The following MAGI2 variants were observed in gnomAD, a reference collection of about 807,000 sequenced individuals.
MAGI2 encodes the protein membrane-associated guanylate kinase, WW and PDZ domain-containing protein 2.
Under a neutral mutation model 133.3 loss-of-function variants are expected in MAGI2, and 35 were observed. The ratio of observed to expected loss-of-function variants is 0.26; its 90% CI spans 0.20 to 0.35. MAGI2 has a LOEUF of 0.35. Ranked by LOEUF, MAGI2 falls within the 10% of genes least tolerant of loss-of-function variation. The probability of loss-of-function intolerance (pLI) is 1.00; values close to 1 mark genes in which losing one functional copy is unlikely to be tolerated. For synonymous variants in MAGI2, 729 were observed against 710.6 expected (o/e 1.03, Z -0.41); for missense variants, 1,636 against 1,863.4 (o/e 0.88, Z 2.25).
chr7:79,301,462 C>T (rs2129559722), intron 1 of MAGI2, among the ~76,000 whole-genome samples: 1 of 152,322 alleles, frequency 6.6e-6, no homozygotes, highest in Middle Eastern at 3.4e-3. Context: ...TGTGTGAGGC[C>T]TGCAGCCCTT....
chr7:78,401,152 C>A (rs1169285552), intron 6 of MAGI2, among the ~76,000 whole-genome samples: 2 of 150,426 alleles, frequency 1.3e-5, no homozygotes, highest in East Asian at 4.0e-4. Context: ...GCAAAAGAAA[C>A]AAAATTCCTG....
intron 2 of MAGI2, among the ~76,000 whole-genome samples, chr7:78,753,342 C>T (rs1010874171): frequency 1.3e-5 from 2 of 151,806 alleles, no homozygotes; most frequent in Non-Finnish European, 2.9e-5. Flanking sequence ...AATTTGCTAG[C>T]TGGGCTTTGT....
intron 1 of MAGI2, among the ~76,000 whole-genome samples, chr7:79,206,261 G>T (rs542007414): frequency 6.7e-6 from 1 of 149,204 alleles, no homozygotes; most frequent in Admixed American, 6.6e-5. Flanking sequence ...TAGAGACTAC[G>T]AATACAATAG....
intron 1 of MAGI2, among the ~76,000 whole-genome samples, chr7:79,246,481 A>C (rs988910587): frequency 6.6e-6 from 1 of 152,248 alleles, no homozygotes; most frequent in Admixed American, 6.5e-5. Context: ...ATTAAGCAGA[A>C]ATTCTGGAGT....
intron 7 of MAGI2, among the ~76,000 whole-genome samples, chr7:78,355,234 T>C (rs1316534748): frequency 6.6e-6 from 1 of 152,234 alleles, no homozygotes; most frequent in Non-Finnish European, 1.5e-5. Flanking sequence ...GGGCTGAGTT[T>C]GTGTTTTTCA....
chr7:79,438,573 G>A (rs559272298), intron 1 of MAGI2, among the ~76,000 whole-genome samples: 39 of 152,044 alleles, frequency 2.6e-4, no homozygotes, highest in African/African-American at 4.1e-4. Context: ...GTAAATTTTC[G>A]TCTTTGCAGC....
intron 2 of MAGI2, among the ~76,000 whole-genome samples, chr7:78,927,067 C>T (rs559502598): frequency 5.3e-5 from 8 of 152,030 alleles, no homozygotes; most frequent in African/African-American, 1.2e-4. Context: ...CAAAATGGGA[C>T]GTAGCATGTA....
intron 20 of MAGI2, among the ~76,000 whole-genome samples, chr7:78,082,186 T>C (rs543117096): frequency 6.6e-6 from 1 of 152,348 alleles, no homozygotes; most frequent in East Asian, 1.9e-4. Context: ...TCTGGTCCCA[T>C]ACTTGAGTTT....
intron 1 of MAGI2, among the ~76,000 whole-genome samples, chr7:79,229,450 C>A (rs73371164): frequency 1.9e-3 from 294 of 152,278 alleles, no homozygotes; most frequent in African/African-American, 6.5e-3. Context: ...AAACTTGAGT[C>A]AAACACATTT....
At chr7:79,073,802 T>G (rs1007922880) in intron 1 of MAGI2, among the ~76,000 whole-genome samples, 3 of 151,642 alleles carry the variant, frequency 2.0e-5, no homozygotes, top group Non-Finnish European at 4.4e-5. Flanking sequence ...TCTTTTCTAA[T>G]TTCTTGACCA....
chr7:78,582,616 T>A (rs1359103100), intron 3 of MAGI2, among the ~76,000 whole-genome samples: 1 of 152,224 alleles, frequency 6.6e-6, no homozygotes, highest in Non-Finnish European at 1.5e-5. Flanking sequence ...GAATGAACAC[T>A]TGAAAGACAG....
intron 1 of MAGI2, among the ~76,000 whole-genome samples, chr7:79,019,718 T>A (rs1809096938): frequency 6.6e-6 from 1 of 152,106 alleles, no homozygotes; most frequent in African/African-American, 2.4e-5. Flanking sequence ...CTAATTTTTG[T>A]ATTTTGAGTA....
At position 78,563,839 on chromosome 7, in the gene MAGI2, C is replaced by T. The variant is rs957744889; in HGVS notation, c.539-42194G>A. ...TTATAGTCAAAATATTACGCACTAA[C>T]GTTATCAAAATCAATCCATAGTATC... On this transcript the variant is annotated intron_variant, in intron 3 of 21. Transcript: ENST00000354212. Among the ~76,000 whole-genome samples, 7 of 152,224 alleles carry T rather than the reference C, an allele frequency of 4.6e-5. No homozygotes were observed. In the East Asian group the frequency reaches 7.7e-4, roughly 17 times the overall value.
intron 6 of MAGI2, among the ~76,000 whole-genome samples, chr7:78,374,165 G>C (rs1009063027): frequency 6.6e-6 from 1 of 152,136 alleles, no homozygotes; most frequent in African/African-American, 2.4e-5. Context: ...AGTTCTTTGA[G>C]AAACTGTCAA....
At chr7:78,223,774 T>C (rs1171501008) in intron 10 of MAGI2, among the ~76,000 whole-genome samples, 1 of 152,154 alleles carries the variant, frequency 6.6e-6, no homozygotes, top group Non-Finnish European at 1.5e-5. Context: ...GTATAAAAGC[T>C]AGTAGAAACC....
chr7:78,810,523 T>G (rs1403105227), intron 2 of MAGI2, among the ~76,000 whole-genome samples: 1 of 152,162 alleles, frequency 6.6e-6, no homozygotes, highest in Admixed American at 6.5e-5. Context: ...TTTAATATAT[T>G]AGTGCATTGG....
At chr7:78,110,518 C>T (rs1045080996) in intron 20 of MAGI2, among the ~76,000 whole-genome samples, 3 of 152,170 alleles carry the variant, frequency 2.0e-5, no homozygotes, top group African/African-American at 4.8e-5. Flanking sequence ...ACCTCTTCCC[C>T]GCACCATGCT....
intron 2 of MAGI2, among the ~76,000 whole-genome samples, chr7:78,878,195 T>C (rs2151536960): frequency 6.6e-6 from 1 of 152,344 alleles, no homozygotes; most frequent in Middle Eastern, 3.4e-3. Context: ...CATATATGCC[T>C]GACTCAATGA....
chr7:78,108,714 A>G (rs1365162551), intron 20 of MAGI2, among the ~76,000 whole-genome samples: 5 of 117,062 alleles, frequency 4.3e-5, no homozygotes, highest in African/African-American at 1.3e-4. Flanking sequence ...ATGTGAGTGT[A>G]TATATGTGTG....
Sources: allele counts gnomAD v4.1 joint callset (sites outside exome capture counted in the v4.1 genomes callset), GRCh38; gene constraint gnomAD v4.1.1; transcripts MANE v1.5; gene names NCBI Gene and HGNC (gene_info 2026-07-23, HGNC 2026-07-21).